Variants in DENND1C observed in about 807,000 individuals in gnomAD.
The protein encoded by DENND1C is DENN domain-containing protein 1C.
A neutral mutation model predicts 87.9 loss-of-function variants in DENND1C; 64 were observed. That is an observed-to-expected ratio of 0.73 (90% CI 0.60 to 0.90). The LOEUF is 0.90. DENND1C is among the 40% of genes least tolerant of loss of function. The probability of loss-of-function intolerance (pLI) is 0.00; values close to 1 mark genes in which losing one functional copy is unlikely to be tolerated. For missense variants in DENND1C, 980 were observed against 1,037.0 expected (o/e 0.95, Z 0.76); for synonymous variants, 384 against 424.4 (o/e 0.90, Z 1.17).
At chr19:6,473,084 C>T (rs1005124401) in intron 14 of DENND1C, 91 bp from the exon 15 acceptor site, 19 of 960,814 alleles carry the variant, frequency 2.0e-5, no homozygotes, top group African/African-American at 1.9e-4. Context: ...ATTGATTAGG[C>T]ACTTGCTGTG....
At chr19:6,479,180 T>C in intron 4 of DENND1C, 124 bp from the exon 5 acceptor site, 1 of 1,349,930 alleles carries the variant, frequency 7.4e-7, no homozygotes, top group Non-Finnish European at 1.0e-6. Context: ...TCCCTGAATG[T>C]CTGGATCCCT....
rs2092887907 is a variant in DENND1C at position 6,479,872 on chromosome 19, T to C, written c.113A>G (p.Asp38Gly). The C allele has an allele frequency of 6.2e-7, 1 of 1,609,920 alleles. No individual in the cohort carries two copies. The highest frequency in any genetic ancestry group is 8.5e-7 in the Non-Finnish European group (1 of 1,178,164). The part of the protein sequence containing the change: ...DPPILRQFPP[D>G]FRDQEAMQMV... Reference sequence around the variant, plus strand: ...CAGCCTGAATACCTGGTCCCTGAAGTCTGGAGGGAACTGCCGCAGGATGGG... The same window carrying C: ...CAGCCTGAATACCTGGTCCCTGAAGCCTGGAGGGAACTGCCGCAGGATGGG... Residue 38 changes from aspartate (D) to glycine (G), a missense_variant, in exon 3 of 23, where the codon GAC becomes GGC. Physicochemically the swap from Asp to Gly is moderately conservative, Grantham distance 94. Coordinates refer to ENST00000381480, the MANE Select transcript of DENND1C (RefSeq NM_024898.4).
At chr19:6,479,529 C>T (rs1320158657) in intron 4 of DENND1C, 140 bp downstream of exon 4, 3 of 1,015,574 alleles carry the variant, frequency 3.0e-6, no homozygotes, top group Non-Finnish European at 4.5e-6. Flanking sequence ...GTTCTCAGGG[C>T]CCCTGAGTGT....
In DENND1C at chr19:6,471,599, C is replaced by T; in HGVS notation, c.1159-103G>A. 2.8e-6 allele frequency: 3 copies of T among 1,053,318 alleles called. No homozygotes were observed. The South Asian group carries it at 5.4e-5, about 19-fold the overall frequency. The allele number at this position is 1,053,318 out of a possible 1,614,324, so 65.2% of individuals were successfully genotyped here. A position where few individuals can be genotyped will look rare whatever the true frequency, so the allele number is the denominator to read the frequency against. On this transcript the variant is annotated intron_variant, in intron 15 of 22. Transcript: ENST00000381480. ...AGATGTAGAAGCCATCTCTGGCCTCCAACCTGCCCACCCCCAAGCACCTGG... is the reference window on the plus strand; with the variant it reads ...AGATGTAGAAGCCATCTCTGGCCTCTAACCTGCCCACCCCCAAGCACCTGG...
Position 6,467,965 on chromosome 19 carries a change from G to T in DENND1C, c.1945C>A (p.Gln649Lys). ...GACTGGGATGGAGACGTGACTTCTT[G>T]GTCGGACTCTGAGGGTATCAGCTGG... is the stretch of plus-strand genomic sequence containing the variant. ...RSQLIPSESD[Q>K]EVTSPSQSST... is the part of the protein sequence containing the mutation. The change falls in exon 23 of 23, where the codon CAA becomes AAA. Residue 649 changes from glutamine to lysine, a missense_variant. Gln to Lys is a moderately conservative substitution (Grantham distance 53). Transcript: ENST00000381480. 4 of 1,613,908 alleles carry T rather than the reference G, an allele frequency of 2.5e-6. No homozygotes were observed. Among genetic ancestry groups the T allele is most frequent in the Non-Finnish European group, 3.4e-6 (4 of 1,179,856 alleles).
intron 10 of DENND1C, 78 bp downstream of exon 10, chr19:6,476,779 G>C: frequency 7.0e-7 from 1 of 1,419,422 alleles, no homozygotes; most frequent in Non-Finnish European, 9.5e-7. Context: ...GTTAGAGCCA[G>C]GAATCAGCCC....
Position 6,480,029 on chromosome 19 carries a change from C to T in DENND1C, c.40G>A (p.Asp14Asn). ...GGGCAGGCCGCTTCGAAGAACCAATCAAACACAGCAGGGGAGCCCCCTCTG... is the reference window on the plus strand; with the variant it reads ...GGGCAGGCCGCTTCGAAGAACCAATTAAACACAGCAGGGGAGCCCCCTCTG... ...RAEGGSPAVF[D>N]WFFEAACPAS... is the part of the protein sequence containing the mutation. The change falls in exon 2 of 23, where the codon GAT becomes AAT. Residue 14 changes from aspartate (D) to asparagine (N), a missense_variant. Coordinates refer to ENST00000381480, the MANE Select transcript of DENND1C (RefSeq NM_024898.4). The T allele has an allele frequency of 6.4e-7, 1 of 1,570,708 alleles. No individual in the cohort carries two copies. The highest frequency in any genetic ancestry group is 1.9e-4 in the Middle Eastern group (1 of 5,404).
At chr19:6,468,674 A>G in intron 20 of DENND1C, 29 bp from the exon 21 acceptor site, 3 of 1,456,098 alleles carry the variant, frequency 2.1e-6, no homozygotes, top group South Asian at 1.5e-5. Flanking sequence ...ATAGGACCTC[A>G]GGAGACTGCA....
chr19:6,478,448 G>T (rs1023139182), intron 6 of DENND1C, among the ~76,000 whole-genome samples: 9 of 151,338 alleles, frequency 5.9e-5, no homozygotes, highest in African/African-American at 2.2e-4. Context: ...TAGAGACGGG[G>T]CTTCACCATG....
Position 6,478,612 on chromosome 19 carries a change from C to T in DENND1C, c.366+171G>A, listed in dbSNP as rs530897332. 7.2e-5 allele frequency among the ~76,000 whole-genome samples: 11 copies of T among 152,066 alleles called. 1 individual carries two copies. In the South Asian group the frequency reaches 1.5e-3, roughly 20 times the overall value. On this transcript the variant is annotated intron_variant, in intron 6 of 22. Transcript: ENST00000381480. The stretch of plus-strand genomic sequence containing the variant: ...TCTCACTATGTTGCCCAGCTGGTCT[C>T]GAACTCCAGGGCTCAAGGGATCCTC...
chr19:6,480,046 C>T lies in DENND1C; in HGVS notation c.23G>A (p.Gly8Asp), dbSNP rs1452104721. Residue 8 changes from glycine (G) to aspartate (D), a missense_variant, in exon 2 of 23, where the codon GGC becomes GAC. Physicochemically the swap from Gly to Asp is moderately conservative, Grantham distance 94. Transcript: ENST00000381480. MESRAEG[G>D]SPAVFDWFFE... Reference sequence around the variant, plus strand: ...GAACCAATCAAACACAGCAGGGGAGCCCCCTCTGTGGGATGCAGAAGGGGT... The same window carrying T: ...GAACCAATCAAACACAGCAGGGGAGTCCCCTCTGTGGGATGCAGAAGGGGT... 6.2e-7 allele frequency: 1 copy of T among 1,607,282 alleles called. No homozygotes were observed. The highest frequency in any genetic ancestry group is 8.5e-7 in the Non-Finnish European group (1 of 1,177,550).
At position 6,468,030 on chromosome 19, in the gene DENND1C, G is replaced by A. The variant is rs1227172168; in HGVS notation, c.1880C>T (p.Ser627Leu). 14 of 1,613,776 alleles carry A rather than the reference G, an allele frequency of 8.7e-6. No individual in the cohort carries two copies. The highest frequency in any genetic ancestry group is 2.2e-5 in the East Asian group (1 of 44,892). ...TGAAGAGCTGGTGGCATCCAAAGACGAGGCATTTTGCAGGGATGGCAGGGA... is the reference window on the plus strand; with the variant it reads ...TGAAGAGCTGGTGGCATCCAAAGACAAGGCATTTTGCAGGGATGGCAGGGA... ...PLSLPSLQNA[S>L]SLDATSSSKD... is the part of the protein sequence containing the mutation. The change falls in exon 23 of 23, where the codon TCG becomes TTG. Residue 627 changes from serine to leucine, a missense_variant. Coordinates refer to ENST00000381480, the MANE Select transcript of DENND1C (RefSeq NM_024898.4).
At position 6,477,420 on chromosome 19, in the gene DENND1C, C is replaced by A; in HGVS notation, c.405G>T (p.Gln135His). Residue 135 changes from glutamine (Q) to histidine (H), a missense_variant, in exon 7 of 23, where the codon CAG becomes CAT. Transcript: ENST00000381480. ...EAEELLQNLF[Q>H]QSLSGPQASV... ...AGGCCTGGGGCCCAGACAGGGACTG[C>A]TGAAACAGATTTTGAAGAAGTTCCT... 2 of 1,613,344 alleles carry A rather than the reference C, an allele frequency of 1.2e-6. No individual in the cohort carries two copies. The highest frequency in any genetic ancestry group is 1.7e-6 in the Non-Finnish European group (2 of 1,179,776).
Position 6,467,280 on chromosome 19 carries a change from C to T in DENND1C, c.*224G>A, listed in dbSNP as rs921572029. ...TAGCTGAGATGGAAGTGACAAATGCCGAGAGGAATTGTAAGGTTGCCAGGA... is the reference window on the plus strand; with the variant it reads ...TAGCTGAGATGGAAGTGACAAATGCTGAGAGGAATTGTAAGGTTGCCAGGA... On this transcript the variant is annotated 3_prime_UTR_variant, in exon 23 of 23. Transcript: ENST00000381480. 1.8e-5 allele frequency: 10 copies of T among 567,052 alleles called. No individual in the cohort carries two copies. The South Asian group carries it at 2.0e-4, about 11-fold the overall frequency. The allele number at this position is 567,052 out of a possible 1,614,324, so 35.1% of individuals were successfully genotyped here. A position where few individuals can be genotyped will look rare whatever the true frequency, so the allele number is the denominator to read the frequency against.
Position 6,467,239 on chromosome 19 carries a change from G to A in DENND1C, c.*265C>T. 1.9e-6 allele frequency: 1 copy of A among 530,984 alleles called. No homozygotes were observed. Among genetic ancestry groups the A allele is most frequent in the Non-Finnish European group, 3.2e-6 (1 of 314,068 alleles). 32.9% of individuals were successfully genotyped at this position (530,984 alleles called of 1,614,324 possible). A position where few individuals can be genotyped will look rare whatever the true frequency, so the allele number is the denominator to read the frequency against. ...TAACAAAAGCTTTATTGGTGTGTTT[G>A]AGCTGGTGGGTGCATTAGCTGAGAT... On this transcript the variant is annotated 3_prime_UTR_variant, in exon 23 of 23. Coordinates refer to ENST00000381480, the MANE Select transcript of DENND1C (RefSeq NM_024898.4).
In DENND1C at chr19:6,471,252, C is replaced by T. The variant is rs1439935503; in HGVS notation, c.1290+13G>A. On this transcript the variant is annotated intron_variant, in intron 17 of 22. Transcript: ENST00000381480. Reference sequence around the variant, plus strand: ...AAGCCAACGCCCACGGCCTATTGTTCTGGTGGTCTTACCTTTAGATTGTCG... The same window carrying T: ...AAGCCAACGCCCACGGCCTATTGTTTTGGTGGTCTTACCTTTAGATTGTCG... 6.3e-7 allele frequency: 1 copy of T among 1,580,476 alleles called. No homozygotes were observed. The highest frequency in any genetic ancestry group is 8.6e-7 in the Non-Finnish European group (1 of 1,162,758).
chr19:6,475,664 G>A (rs1290129613), intron 12 of DENND1C, 42 bp downstream of exon 12: 1 of 1,611,138 alleles, frequency 6.2e-7, no homozygotes, highest in Non-Finnish European at 8.5e-7. Context: ...AGAGGAAGGG[G>A]GAACCCTCAC....
chr19:6,480,002 C>T lies in DENND1C; in HGVS notation c.67G>A (p.Ala23Thr), dbSNP rs10416003. 2.3e-3 allele frequency: 3,724 copies of T among 1,607,086 alleles called. 65 individuals are homozygous for T. The African/African-American group carries it at 0.043, about 19-fold the overall frequency. The change falls in exon 2 of 23, where the codon GCC becomes ACC. Residue 23 changes from alanine (A) to threonine (T), a missense_variant. Physicochemically the swap from Ala to Thr is moderately conservative, Grantham distance 58. Transcript: ENST00000381480. ...FDWFFEAACP[A>T]SLQEDPPILR... The stretch of plus-strand genomic sequence containing the variant: ...CCCAACTCACCCTCCTGCAGGGAGG[C>T]AGGGCAGGCCGCTTCGAAGAACCAA...
intron 1 of DENND1C, chr19:6,480,595 T>TATC (rs963499523): frequency 7.5e-6 from 3 of 400,454 alleles, no homozygotes; most frequent in African/African-American, 2.3e-5. Flanking sequence ...TCTATCTATC[T>TATC]ATCTATCTAT....
Sources: allele counts gnomAD v4.1 joint callset (sites outside exome capture counted in the v4.1 genomes callset), GRCh38; gene constraint gnomAD v4.1.1; transcripts MANE v1.5; gene names NCBI Gene and HGNC (gene_info 2026-07-23, HGNC 2026-07-21).